Variants in CCDC73 observed in about 807,000 individuals in gnomAD.
CCDC73 encodes coiled-coil domain-containing protein 73.
A neutral mutation model predicts 116.5 loss-of-function variants in CCDC73; 95 were observed. The observed-to-expected ratio is 0.82, with a 90% CI of 0.69 to 0.97. The LOEUF (loss-of-function observed/expected upper bound fraction) is 0.97, where lower values mean the gene tolerates loss of function less well. Among genes scored for constraint, CCDC73 ranks in the 50% least tolerant of loss-of-function variants. CCDC73 has a pLI of 0.00. For synonymous variants in CCDC73, 398 were observed against 401.3 expected, an observed-to-expected ratio of 0.99 and a Z score of 0.10; for missense variants, 1,066 against 1,206.8, an observed-to-expected ratio of 0.88 and a Z score of 1.73.
intron 9 of CCDC73, among the ~76,000 whole-genome samples, chr11:32,667,652 G>A (rs1855998688): frequency 6.6e-6 from 1 of 152,260 alleles, no homozygotes. Flanking sequence ...CACTCTTGGT[G>A]GGCTACACCC....
At chr11:32,665,357 A>G (rs1291168991) in intron 9 of CCDC73, among the ~76,000 whole-genome samples, 1 of 152,104 alleles carries the variant, frequency 6.6e-6, no homozygotes, top group Non-Finnish European at 1.5e-5. Flanking sequence ...TTGGGTGCAT[A>G]TATATTTAGG....
chr11:32,685,287 A>C (rs1376898521), intron 6 of CCDC73, among the ~76,000 whole-genome samples: 2 of 143,916 alleles, frequency 1.4e-5, no homozygotes, highest in African/African-American at 5.0e-5. Flanking sequence ...AAAAAAAAAA[A>C]CTCCTGCCCA....
At chr11:32,695,020 C>G (rs1478404858) in intron 6 of CCDC73, among the ~76,000 whole-genome samples, 6 of 152,180 alleles carry the variant, frequency 3.9e-5, no homozygotes, top group African/African-American at 1.2e-4. Context: ...TTCTGAAACT[C>G]AAACAGTAAC....
intron 1 of CCDC73, among the ~76,000 whole-genome samples, chr11:32,790,170 G>A (rs1477235257): frequency 1.3e-5 from 2 of 152,142 alleles, no homozygotes; most frequent in East Asian, 3.9e-4. Context: ...GTTATGTTAA[G>A]GAGGCTAAAC....
intron 5 of CCDC73, among the ~76,000 whole-genome samples, chr11:32,699,874 T>TAA (rs200475969): frequency 1.9e-4 from 5 of 25,762 alleles, no homozygotes; most frequent in Admixed American, 9.2e-4. Context: ...GAACTTAGAT[T>TAA]AAAAAATATA....
chr11:32,684,825 C>T (rs1028057406), intron 6 of CCDC73, among the ~76,000 whole-genome samples: 3 of 151,908 alleles, frequency 2.0e-5, no homozygotes, highest in African/African-American at 4.8e-5. Flanking sequence ...AACAAACAAG[C>T]GAAACTTAGC....
intron 14 of CCDC73, among the ~76,000 whole-genome samples, chr11:32,620,817 T>C (rs954542278): frequency 6.6e-6 from 1 of 151,842 alleles, no homozygotes; most frequent in Non-Finnish European, 1.5e-5. Flanking sequence ...TTGTCATCTA[T>C]AACAAAAATG....
chr11:32,633,361 T>C (rs1037166291), intron 14 of CCDC73, among the ~76,000 whole-genome samples: 36 of 152,218 alleles, frequency 2.4e-4, no homozygotes, highest in African/African-American at 8.4e-4. Flanking sequence ...AAGAGAATAT[T>C]ATGAGCAACC....
In CCDC73 at chr11:32,675,557, A is replaced by G; in HGVS notation, c.645+8T>C. The G allele has an allele frequency of 6.6e-7, 1 of 1,507,694 alleles. No homozygotes were observed. The highest frequency in any genetic ancestry group is 9.1e-7 in the Non-Finnish European group (1 of 1,099,802). The allele number at this position is 1,507,694 out of a possible 1,614,324, so 93.4% of individuals were successfully genotyped here. ...TTACTTAGTAGTGTGAAACTGTATCAATCATACCTTCTTTAAACTGCATAT... is the reference window on the plus strand; with the variant it reads ...TTACTTAGTAGTGTGAAACTGTATCGATCATACCTTCTTTAAACTGCATAT... On this transcript the variant is annotated splice_region_variant and intron_variant, in intron 9 of 17. Transcript: ENST00000335185.
chr11:32,693,247 G>A (rs147774590), intron 6 of CCDC73, among the ~76,000 whole-genome samples: 16 of 152,340 alleles, frequency 1.1e-4, no homozygotes, highest in African/African-American at 3.6e-4. Context: ...AACTAAAGGA[G>A]GGAGGGAAGT....
chr11:32,815,631 G>A, the CCDC73 span, among the ~76,000 whole-genome samples: 76 of 152,182 alleles, frequency 5.0e-4, no homozygotes, highest in Non-Finnish European at 1.0e-3. Flanking sequence ...TATTAAAACT[G>A]TGTGTTATGT....
intron 14 of CCDC73, among the ~76,000 whole-genome samples, chr11:32,625,815 T>C (rs1360654666): frequency 6.6e-6 from 1 of 152,010 alleles, no homozygotes; most frequent in Non-Finnish European, 1.5e-5. Flanking sequence ...AATTAGGTAT[T>C]GATGGGACGT....
At chr11:32,708,924 G>T (rs1849876631) in intron 3 of CCDC73, among the ~76,000 whole-genome samples, 2 of 152,068 alleles carry the variant, frequency 1.3e-5, no homozygotes, top group Admixed American at 1.3e-4. Flanking sequence ...GATTGCTCTG[G>T]CTAGGACTTC....
chr11:32,725,133 C>A lies in CCDC73; in HGVS notation c.136-6986G>T, dbSNP rs143664177. Among the ~76,000 whole-genome samples the A allele has an allele frequency of 4.0e-3, 596 of 149,134 alleles. 3 individuals carry two copies. The highest frequency in any genetic ancestry group is 7.3e-3 in the Admixed American group (109 of 15,026). Reference sequence around the variant, plus strand: ...TAAGAAGATGTCTTTTTTTTTTTAACTTTATAGTAATCCCCCCTTATCCAT... The same window carrying A: ...TAAGAAGATGTCTTTTTTTTTTTAAATTTATAGTAATCCCCCCTTATCCAT... On this transcript the variant is annotated intron_variant, in intron 2 of 17. Coordinates refer to ENST00000335185, the MANE Select transcript of CCDC73 (RefSeq NM_001008391.4).
At chr11:32,701,067 G>A (rs1729411911) in intron 4 of CCDC73, among the ~76,000 whole-genome samples, 1 of 152,056 alleles carries the variant, frequency 6.6e-6, no homozygotes, top group African/African-American at 2.4e-5. Context: ...ATGTTGCCCA[G>A]GCTATACTCC....
At position 32,613,929 on chromosome 11, in the gene CCDC73, G is replaced by C; in HGVS notation, c.2389C>G (p.His797Asp). Residue 797 changes from histidine (H) to aspartate (D), a missense_variant, in exon 16 of 18, where the codon CAC becomes GAC. Coordinates refer to ENST00000335185, the MANE Select transcript of CCDC73 (RefSeq NM_001008391.4). ...TCTGTTTCTGTGCAAGTTTTCATGT[G>C]AACAGCAGTTTTCACATCTTTGGCT... The part of the protein sequence containing the change: ...SQAKDVKTAV[H>D]MKTCTETEFS... 6.2e-7 allele frequency: 1 copy of C among 1,612,008 alleles called. No homozygotes were observed. Among genetic ancestry groups the C allele is most frequent in the Non-Finnish European group, 8.5e-7 (1 of 1,179,890 alleles).
chr11:32,751,474 T>C (rs888086422), intron 2 of CCDC73, among the ~76,000 whole-genome samples: 1 of 152,124 alleles, frequency 6.6e-6, no homozygotes, highest in Admixed American at 6.5e-5. Context: ...CAAGGCTTGC[T>C]GAAACTCAAG....
intron 13 of CCDC73, 152 bp downstream of exon 13, chr11:32,641,820 C>A: frequency 3.9e-6 from 2 of 516,702 alleles, no homozygotes; most frequent in Non-Finnish European, 5.8e-6. Flanking sequence ...TTTTAAAAAG[C>A]ATTCACCTTT....
At chr11:32,707,135 A>T (rs905810108) in intron 3 of CCDC73, among the ~76,000 whole-genome samples, 4 of 152,102 alleles carry the variant, frequency 2.6e-5, no homozygotes. Context: ...AGAAGAACTA[A>T]AGCCAATAGT....
Sources: allele counts gnomAD v4.1 joint callset (sites outside exome capture counted in the v4.1 genomes callset), GRCh38; gene constraint gnomAD v4.1.1; transcripts MANE v1.5; gene names NCBI Gene and HGNC (gene_info 2026-07-23, HGNC 2026-07-21).